Variants in WDPCP observed in about 807,000 individuals in gnomAD.
WDPCP encodes WD repeat-containing and planar cell polarity effector protein fritz homolog.
In WDPCP, 71 loss-of-function variants were observed where a neutral mutation model predicts 93.1. The ratio of observed to expected loss-of-function variants is 0.76; its 90% CI spans 0.63 to 0.93. The LOEUF (loss-of-function observed/expected upper bound fraction) is 0.93. Among genes scored for constraint, WDPCP ranks in the 40% least tolerant of loss-of-function variants. The probability of loss-of-function intolerance (pLI) is 0.00; values close to 1 mark genes in which losing one functional copy is unlikely to be tolerated. For synonymous variants in WDPCP, 315 were observed against 315.0 expected, an observed-to-expected ratio of 1.00 and a Z score of 0.00; for missense variants, 844 against 887.4, an observed-to-expected ratio of 0.95 and a Z score of 0.62.
chr2:63,326,027 C>CT (rs1365774749), intron 12 of WDPCP, among the ~76,000 whole-genome samples: 1 of 152,204 alleles, frequency 6.6e-6, no homozygotes, highest in African/African-American at 2.4e-5. Context: ...CGGTGGCTGT[C>CT]TTAGTGTCAG....
At chr2:63,363,498 T>C (rs953614542) in intron 12 of WDPCP, among the ~76,000 whole-genome samples, 9 of 151,954 alleles carry the variant, frequency 5.9e-5, no homozygotes, top group Non-Finnish European at 1.0e-4. Context: ...CTCGGGAGGC[T>C]AAGGTGGGAC....
chr2:63,586,525 CACAG>C (rs578022387), intron 1 of WDPCP, among the ~76,000 whole-genome samples: 20 of 152,308 alleles, frequency 1.3e-4, no homozygotes, highest in African/African-American at 4.6e-4. Context: ...AGGAAGAGAA[CACAG>C]ACAATCTTAT....
intron 14 of WDPCP, among the ~76,000 whole-genome samples, chr2:63,257,046 C>T (rs564316926): frequency 2.6e-5 from 4 of 152,188 alleles, no homozygotes; most frequent in African/African-American, 9.6e-5. Flanking sequence ...ATGTTTTGTG[C>T]ACTTTTCTGT....
intron 12 of WDPCP, among the ~76,000 whole-genome samples, chr2:63,375,302 C>T (rs774724527): frequency 2.6e-5 from 4 of 151,974 alleles, no homozygotes; most frequent in Non-Finnish European, 4.4e-5. Context: ...AGGCAGCTGA[C>T]TAATTACCTT....
chr2:63,314,758 T>C (rs748575913), intron 12 of WDPCP, among the ~76,000 whole-genome samples: 2 of 151,552 alleles, frequency 1.3e-5, no homozygotes, highest in Non-Finnish European at 2.9e-5. Flanking sequence ...CAATTATCAG[T>C]GGCTTACAAA....
At chr2:63,538,511 G>C (rs1438155768) in intron 1 of WDPCP, among the ~76,000 whole-genome samples, 1 of 152,082 alleles carries the variant, frequency 6.6e-6, no homozygotes, top group African/African-American at 2.4e-5. Flanking sequence ...TTCTATGGGA[G>C]AGAAATTCAT....
chr2:63,439,617 G>A, intron 7 of WDPCP, 140 bp downstream of exon 7: 1 of 656,396 alleles, frequency 1.5e-6, no homozygotes, highest in East Asian at 2.6e-5. Flanking sequence ...TGGTCCCAGG[G>A]GGTGTAAGTA....
Position 63,381,945 on chromosome 2 carries a change from T to C in WDPCP, c.1585A>G (p.Asn529Asp). 6.2e-7 allele frequency: 1 copy of C among 1,613,538 alleles called. No individual in the cohort carries two copies. Among genetic ancestry groups the C allele is most frequent in the Non-Finnish European group, 8.5e-7 (1 of 1,179,688 alleles). ...GTGAGCTTCTGTCTAAGAAGATGGT[T>C]TACAATGGCGCTCATGCTGATAAAG... ...QCFISMSAIV[N>D]HLLRQKLTPE... Residue 529 changes from asparagine (N) to aspartate (D), a missense_variant, in exon 11 of 18, where the codon AAC becomes GAC. By Grantham distance (23) the Asn-to-Asp change is conservative. Coordinates refer to ENST00000272321, the MANE Select transcript of WDPCP (RefSeq NM_015910.7).
intron 1 of WDPCP, among the ~76,000 whole-genome samples, chr2:63,548,130 C>T (rs1705291756): frequency 6.6e-6 from 1 of 151,004 alleles, no homozygotes; most frequent in Non-Finnish European, 1.5e-5. Context: ...AGAAGCAATC[C>T]CAAATTTTTT....
intron 1 of WDPCP, among the ~76,000 whole-genome samples, chr2:63,582,758 AAC>A (rs1252663596): frequency 1.3e-5 from 2 of 152,194 alleles, no homozygotes; most frequent in African/African-American, 4.8e-5. Context: ...AATGAAAAAA[AAC>A]AGTGGATCAA....
chr2:63,638,315 T>C (rs1040614238), intron 3 of WDPCP, among the ~76,000 whole-genome samples: 3 of 150,202 alleles, frequency 2.0e-5, no homozygotes, highest in African/African-American at 7.6e-5. Context: ...TCTCATTCTC[T>C]CTCTCTCTCT....
At chr2:63,800,215 T>C (rs1215381478) in intron 2 of WDPCP, among the ~76,000 whole-genome samples, 3 of 152,186 alleles carry the variant, frequency 2.0e-5, no homozygotes, top group African/African-American at 7.2e-5. Context: ...AAAAACCCAA[T>C]GGAATTCTGG....
chr2:63,691,495 C>T (rs1374489855), intron 2 of WDPCP, among the ~76,000 whole-genome samples: 4 of 151,954 alleles, frequency 2.6e-5, no homozygotes, highest in African/African-American at 7.3e-5. Context: ...ATCAGCTGGG[C>T]GTGGTGGTGG....
chr2:63,206,323 G>A (rs1343292189), intron 14 of WDPCP, among the ~76,000 whole-genome samples: 1 of 152,056 alleles, frequency 6.6e-6, no homozygotes, highest in East Asian at 1.9e-4. Flanking sequence ...CTGTCTGTTG[G>A]TTCTCTACTA....
chr2:63,290,497 T>G (rs1684334825), intron 13 of WDPCP, among the ~76,000 whole-genome samples: 1 of 152,054 alleles, frequency 6.6e-6, no homozygotes, highest in African/African-American at 2.4e-5. Flanking sequence ...AGTCACATGC[T>G]TATGATTTTT....
upstream of WDPCP, chr2:63,593,071 G>C (rs1015090965): frequency 6.5e-6 from 1 of 152,884 alleles, no homozygotes; most frequent in East Asian, 1.9e-4. Flanking sequence ...CTCTACACCA[G>C]TTGACACTTT....
At chr2:63,663,899 C>T (rs149383685) in intron 2 of WDPCP, among the ~76,000 whole-genome samples, 1 of 152,058 alleles carries the variant, frequency 6.6e-6, no homozygotes, top group East Asian at 1.9e-4. Context: ...ACAGACATCA[C>T]AGTTTGAGAA....
intron 2 of WDPCP, among the ~76,000 whole-genome samples, chr2:63,763,501 CAAA>C (rs746333217): frequency 1.1e-4 from 7 of 65,330 alleles, no homozygotes; most frequent in Non-Finnish European, 9.3e-5. Flanking sequence ...GACTTTGTCT[CAAA>C]AAAAAAAAAA....
chr2:63,471,059 T>C (rs1335247611), intron 6 of WDPCP, among the ~76,000 whole-genome samples: 1 of 152,204 alleles, frequency 6.6e-6, no homozygotes, highest in Non-Finnish European at 1.5e-5. Context: ...CATGCTTTCT[T>C]GCTTGCTTTT....
Sources: gnomAD v4.1 joint callset for allele counts (sites outside exome capture counted in the v4.1 genomes callset) on GRCh38, gnomAD v4.1.1 for gene constraint, MANE v1.5 for transcripts, NCBI Gene and HGNC (gene_info 2026-07-23, HGNC 2026-07-21) for gene names.